Variants in NBAS observed in about 807,000 individuals in gnomAD.
The protein encoded by NBAS is NAG/BC035112 fusion.
Under a neutral mutation model 302.5 loss-of-function variants are expected in NBAS, and 219 were observed. The observed-to-expected ratio is 0.72, with a 90% CI of 0.65 to 0.81. The LOEUF (loss-of-function observed/expected upper bound fraction) is 0.81, where lower values mean the gene tolerates loss of function less well. Ranked by LOEUF, NBAS falls within the 30% of genes least tolerant of loss-of-function variation. The probability of loss-of-function intolerance (pLI) is 0.00; values close to 1 mark genes in which losing one functional copy is unlikely to be tolerated. For synonymous variants in NBAS, 1,118 were observed against 1,021.6 expected (o/e 1.09, Z -1.80); for missense variants, 2,932 against 2,841.6 (o/e 1.03, Z -0.72).
At chr2:15,130,371 T>C in the NBAS span, among the ~76,000 whole-genome samples, 4 of 152,242 alleles carry the variant, frequency 2.6e-5, no homozygotes, top group Non-Finnish European at 5.9e-5. Flanking sequence ...TATTCACTAT[T>C]GTCAATGAAC....
At chr2:15,492,797 G>C (rs948657739) in intron 11 of NBAS, among the ~76,000 whole-genome samples, 23 of 152,140 alleles carry the variant, frequency 1.5e-4, no homozygotes, top group Admixed American at 1.5e-3. Context: ...TAACATGCAA[G>C]GGGGTTCTGG....
At chr2:15,542,085 T>A (rs1397870710) in intron 6 of NBAS, among the ~76,000 whole-genome samples, 2 of 82,674 alleles carry the variant, frequency 2.4e-5, no homozygotes, top group African/African-American at 8.8e-5. Flanking sequence ...TACTGGGAAG[T>A]GAGGAGCCCC....
the NBAS span, among the ~76,000 whole-genome samples, chr2:15,104,400 A>C: frequency 1.3e-5 from 2 of 152,108 alleles, no homozygotes; most frequent in East Asian, 1.9e-4. Flanking sequence ...TTGTCCATAT[A>C]ACTTGTATTC....
chr2:14,885,306 A>C, the NBAS span, among the ~76,000 whole-genome samples: 1 of 152,180 alleles, frequency 6.6e-6, no homozygotes, highest in Non-Finnish European at 1.5e-5. Context: ...AAAGGCTGAT[A>C]GCAAATGCAG....
chr2:14,950,178 CCT>C, the NBAS span, among the ~76,000 whole-genome samples: 3 of 152,150 alleles, frequency 2.0e-5, no homozygotes, highest in Admixed American at 6.5e-5. Flanking sequence ...CACTCTTCCC[CCT>C]GAGTCCCCAA....
At chr2:15,134,215 G>A in the NBAS span, among the ~76,000 whole-genome samples, 1 of 152,036 alleles carries the variant, frequency 6.6e-6, no homozygotes, top group South Asian at 2.1e-4. Context: ...CTCACTATGG[G>A]ATTAAGCTCT....
the NBAS span, among the ~76,000 whole-genome samples, chr2:15,028,071 G>A: frequency 6.6e-6 from 1 of 152,010 alleles, no homozygotes; most frequent in Non-Finnish European, 1.5e-5. Context: ...ATTCATAAAT[G>A]CACAGTTTTA....
At chr2:15,316,388 CCA>C (rs1383933902) in intron 38 of NBAS, among the ~76,000 whole-genome samples, 1 of 152,152 alleles carries the variant, frequency 6.6e-6, no homozygotes, top group Non-Finnish European at 1.5e-5. Context: ...TGGGTGCAGC[CCA>C]CAGAGGGCGA....
At chr2:15,223,626 C>A (rs958358107) in intron 47 of NBAS, among the ~76,000 whole-genome samples, 3 of 151,932 alleles carry the variant, frequency 2.0e-5, no homozygotes, top group Admixed American at 2.0e-4. Flanking sequence ...GTCTGGAGAT[C>A]GAGACCATCC....
chr2:15,265,700 C>T (rs796840242), intron 44 of NBAS, among the ~76,000 whole-genome samples: 3 of 152,164 alleles, frequency 2.0e-5, no homozygotes, highest in African/African-American at 2.4e-5. Context: ...ACCACTACTA[C>T]GAAGTTATGT....
chr2:15,391,528 G>T (rs889437928), intron 28 of NBAS, among the ~76,000 whole-genome samples: 6 of 151,994 alleles, frequency 3.9e-5, no homozygotes, highest in African/African-American at 1.4e-4. Context: ...AAATAAACAA[G>T]TAACACAGTA....
the NBAS span, among the ~76,000 whole-genome samples, chr2:14,942,783 G>C: frequency 6.6e-6 from 1 of 152,182 alleles, no homozygotes; most frequent in African/African-American, 2.4e-5. Flanking sequence ...CAAGCACATA[G>C]TAGAGGCTCA....
chr2:15,538,301 C>T, intron 7 of NBAS: 1 of 450,440 alleles, frequency 2.2e-6, no homozygotes, highest in Non-Finnish European at 4.5e-6. Flanking sequence ...AATAAGAATC[C>T]AGACTCCTTA....
intron 36 of NBAS, among the ~76,000 whole-genome samples, chr2:15,329,483 C>T (rs184973654): frequency 5.3e-5 from 8 of 152,322 alleles, no homozygotes; most frequent in South Asian, 4.1e-4. Flanking sequence ...TCTCTTTCTA[C>T]AGCACTTAAA....
At chr2:14,805,751 G>T in the NBAS span, among the ~76,000 whole-genome samples, 1 of 152,066 alleles carries the variant, frequency 6.6e-6, no homozygotes, top group African/African-American at 2.4e-5. Context: ...TCTTGCCTTT[G>T]TGTCTTAGCA....
chr2:15,170,538 T>C (rs570761812), intron 51 of NBAS, among the ~76,000 whole-genome samples: 119 of 152,230 alleles, frequency 7.8e-4, no homozygotes, highest in Non-Finnish European at 1.5e-3. Context: ...CAGGGAAAGG[T>C]TGGGAGGAAT....
At chr2:15,209,418 G>T (rs1035120730) in intron 48 of NBAS, among the ~76,000 whole-genome samples, 1 of 151,820 alleles carries the variant, frequency 6.6e-6, no homozygotes, top group African/African-American at 2.4e-5. Flanking sequence ...AGAGGAGGAG[G>T]AAATGCTTCC....
chr2:15,123,384 G>A, the NBAS span, among the ~76,000 whole-genome samples: 1 of 152,268 alleles, frequency 6.6e-6, no homozygotes, highest in South Asian at 2.1e-4. Context: ...CAGACCCGGA[G>A]ACCAGGTGAA....
the NBAS span, among the ~76,000 whole-genome samples, chr2:15,153,978 C>T: frequency 6.6e-6 from 1 of 152,156 alleles, no homozygotes; most frequent in East Asian, 1.9e-4. Context: ...GCATTTTGTA[C>T]AGATTGCATT....
Sources: allele counts gnomAD v4.1 joint callset (sites outside exome capture counted in the v4.1 genomes callset), GRCh38; gene constraint gnomAD v4.1.1; transcripts MANE v1.5; gene names NCBI Gene and HGNC (gene_info 2026-07-23, HGNC 2026-07-21).